The following BRWD1 variants were observed in gnomAD, a reference collection of about 807,000 sequenced individuals.
BRWD1 encodes bromodomain and WD repeat-containing protein 1.
Under a neutral mutation model 251.2 loss-of-function variants are expected in BRWD1, and 82 were observed. That is an observed-to-expected ratio of 0.33 (90% CI 0.27 to 0.39). The LOEUF is 0.39. Among genes scored for constraint, BRWD1 ranks in the 10% least tolerant of loss-of-function variants. BRWD1 has a pLI of 1.00. For synonymous variants in BRWD1, 918 were observed against 902.8 expected (o/e 1.02, Z -0.30); for missense variants, 2,233 against 2,711.6 (o/e 0.82, Z 3.92).
chr21:39,295,181 T>G (rs371372361), intron 7 of BRWD1, among the ~76,000 whole-genome samples: 1 of 123,576 alleles, frequency 8.1e-6, no homozygotes, highest in African/African-American at 3.1e-5. Flanking sequence ...CTATGTTTTT[T>G]TTTTTTTTTT....
chr21:39,313,385 G>T, intron 1 of BRWD1, 58 bp downstream of exon 1: 1 of 1,390,186 alleles, frequency 7.2e-7, no homozygotes, highest in Non-Finnish European at 9.6e-7. Flanking sequence ...CCGGGGAGCC[G>T]GGGAAGCCGA....
chr21:39,266,517 T>C (rs2034926946), intron 15 of BRWD1, among the ~76,000 whole-genome samples: 1 of 152,182 alleles, frequency 6.6e-6, no homozygotes. Flanking sequence ...CTGAAGATGG[T>C]GGCAGCAACT....
At chr21:39,216,153 G>A (rs575485685) in intron 31 of BRWD1, among the ~76,000 whole-genome samples, 1 of 152,210 alleles carries the variant, frequency 6.6e-6, no homozygotes, top group African/African-American at 2.4e-5. Context: ...ATTTCTTAAA[G>A]TAGTTGAATT....
chr21:39,279,516 G>A (rs574338567), intron 9 of BRWD1, among the ~76,000 whole-genome samples: 3 of 151,496 alleles, frequency 2.0e-5, no homozygotes, highest in East Asian at 3.9e-4. Flanking sequence ...GCGGGCACCT[G>A]TAATCCCAGC....
In BRWD1 at chr21:39,199,592, A is replaced by G; in HGVS notation, c.4824T>C (p.Asp1608=). 1 of 1,614,182 alleles carries G rather than the reference A, an allele frequency of 6.2e-7. No individual in the cohort carries two copies. The highest frequency in any genetic ancestry group is 2.2e-5 in the East Asian group (1 of 44,890). ...TRKRVYLSDS[D]NNSLETGEIL... ...TTTCACCAGTCTCCAATGAATTGTT[A>G]TCAGAATCACTTAAATAGACTCTCT... is the stretch of plus-strand genomic sequence containing the variant. Residue 1608 remains aspartate (D), a synonymous_variant, in exon 40 of 41, where the codon GAT becomes GAC. Transcript: ENST00000342449.
chr21:39,185,295 T>TTAA (rs369755854), downstream of BRWD1: 1 of 71,818 alleles, frequency 1.4e-5, no homozygotes, highest in Non-Finnish European at 2.8e-5. Flanking sequence ...CTGAAATTGC[T>TTAA]AAAAAAAAAA....
chr21:39,271,299 T>TA (rs982441004), intron 13 of BRWD1, among the ~76,000 whole-genome samples: 1 of 147,068 alleles, frequency 6.8e-6, no homozygotes, highest in Non-Finnish European at 1.5e-5. Context: ...TCTCAAAAAA[T>TA]AAAAAAGTGA....
At chr21:39,257,841 T>C (rs1412986539) in intron 18 of BRWD1, among the ~76,000 whole-genome samples, 5 of 152,124 alleles carry the variant, frequency 3.3e-5, no homozygotes, top group African/African-American at 4.8e-5. Context: ...AAAGCAAGTA[T>C]AGTAATATAA....
rs560221447 is a variant in BRWD1 at position 39,245,090 on chromosome 21, T to C, written c.2481+2611A>G. On this transcript the variant is annotated intron_variant, in intron 21 of 40. Coordinates refer to ENST00000342449, the MANE Select transcript of BRWD1 (RefSeq NM_033656.4). ...AAAACATTCTCATTACATAATATAA[T>C]AGTTTAGCCAGGCAGGGTGGCTGGT... 1.6e-3 allele frequency among the ~76,000 whole-genome samples: 235 copies of C among 151,384 alleles called. 2 individuals are homozygous for C. Among genetic ancestry groups the C allele is most frequent in the African/African-American group, 5.4e-3 (225 of 41,322 alleles).
At chr21:39,298,685 CTG>C (rs1043349998) in intron 4 of BRWD1, 103 bp from the exon 5 acceptor site, 17 of 893,624 alleles carry the variant, frequency 1.9e-5, no homozygotes, top group Non-Finnish European at 2.7e-5. Flanking sequence ...ACACTGAAAA[CTG>C]TAAAACATGC....
chr21:39,188,722 G>T lies in BRWD1; in HGVS notation c.*7537C>A. ...TGAAACTGATTTCACACTTCTCTAA[G>T]ATCAGTTGAGCGTTCTCCCCAGAAT... On this transcript the variant is annotated 3_prime_UTR_variant, in exon 41 of 41. Transcript: ENST00000342449. 2 of 985,370 alleles carry T rather than the reference G, an allele frequency of 2.0e-6. No homozygotes were observed. The highest frequency in any genetic ancestry group is 2.4e-6 in the Non-Finnish European group (2 of 829,908). The allele number at this position is 985,370 out of a possible 1,614,324, so 61.0% of individuals were successfully genotyped here. A position where few individuals can be genotyped will look rare whatever the true frequency, so the allele number is the denominator to read the frequency against.
chr21:39,301,978 GTTTTTTT>G (rs750413248), intron 4 of BRWD1, among the ~76,000 whole-genome samples: 4 of 79,864 alleles, frequency 5.0e-5, no homozygotes, highest in Admixed American at 1.9e-4. Flanking sequence ...AGCTTTGTGT[GTTTTTTT>G]TTTTTTTTTT....
chr21:39,232,074 A>C (rs1273136699), intron 25 of BRWD1, 103 bp downstream of exon 25: 1 of 989,140 alleles, frequency 1.0e-6, no homozygotes, highest in African/African-American at 1.7e-5. Flanking sequence ...GTAGGAAAGA[A>C]AGTAATAAAA....
At chr21:39,312,795 G>C in intron 4 of BRWD1, 46 bp downstream of exon 4, 3 of 1,509,890 alleles carry the variant, frequency 2.0e-6, no homozygotes, top group Non-Finnish European at 2.7e-6. Flanking sequence ...CGGGGGCGGG[G>C]GGCGGTGCAC....
intron 35 of BRWD1, among the ~76,000 whole-genome samples, 157 bp from the exon 36 acceptor site, chr21:39,210,304 CAAAG>C (rs1050398910): frequency 3.4e-4 from 51 of 152,152 alleles, no homozygotes; most frequent in African/African-American, 1.1e-3. Flanking sequence ...GGTATAAAAA[CAAAG>C]AAAAGATAGA....
chr21:39,275,498 C>T (rs1259188747), intron 12 of BRWD1, among the ~76,000 whole-genome samples: 2 of 152,246 alleles, frequency 1.3e-5, no homozygotes, highest in South Asian at 2.1e-4. Flanking sequence ...GCCCTAGACA[C>T]TTTTCATTCA....
upstream of BRWD1, chr21:39,313,689 C>T (rs1454672821): frequency 2.5e-5 from 10 of 396,742 alleles, no homozygotes; most frequent in Admixed American, 9.7e-5. Flanking sequence ...GAAAAGTAGT[C>T]CCTCCGCGGG....
intron 17 of BRWD1, among the ~76,000 whole-genome samples, chr21:39,263,078 C>G (rs2034807117): frequency 6.6e-6 from 1 of 152,174 alleles, no homozygotes; most frequent in Non-Finnish European, 1.5e-5. Context: ...GCACTCCAGC[C>G]TGGGGAAACG....
intron 19 of BRWD1, among the ~76,000 whole-genome samples, chr21:39,253,781 T>C (rs1431568572): frequency 6.6e-6 from 1 of 152,218 alleles, no homozygotes; most frequent in African/African-American, 2.4e-5. Flanking sequence ...TATTAAGTTA[T>C]TATGACATAC....
Sources: gnomAD v4.1 joint callset for allele counts (sites outside exome capture counted in the v4.1 genomes callset) on GRCh38, gnomAD v4.1.1 for gene constraint, MANE v1.5 for transcripts, NCBI Gene and HGNC (gene_info 2026-07-23, HGNC 2026-07-21) for gene names.